BAP1: variants seen among roughly 807,000 people sequenced by gnomAD.
BAP1 encodes the protein BRCA1 associated deubiquitinase 1.
In BAP1, 16 loss-of-function variants were observed where a neutral mutation model predicts 77.2. The observed-to-expected ratio is 0.21, with a 90% CI of 0.14 to 0.31. The LOEUF (loss-of-function observed/expected upper bound fraction) is 0.31, where lower values mean the gene tolerates loss of function less well. Among genes scored for constraint, BAP1 ranks in the 10% least tolerant of loss-of-function variants. The probability of loss-of-function intolerance (pLI) is 1.00; values close to 1 mark genes in which losing one functional copy is unlikely to be tolerated. For synonymous variants in BAP1, 362 were observed against 385.2 expected (o/e 0.94, Z 0.71); for missense variants, 699 against 967.3 (o/e 0.72, Z 3.68).
rs2153228681 is a variant in BAP1, at chr3:52,409,843, T to C, written c.36A>G (p.Pro12=). 1 of 1,611,818 alleles carries C rather than the reference T, an allele frequency of 6.2e-7. No individual in the cohort carries two copies. The change falls in exon 1 of 17, where the codon CCA becomes CCG. Residue 12 remains proline (P), a splice_region_variant and synonymous_variant. Transcript: ENST00000460680. ...TGGCCCTCCCGGTCCCCTCCTCACC[T>C]GGGTCGCTCTCCAGCTCCAGCCAGC... is the stretch of plus-strand genomic sequence containing the variant. The part of the protein sequence containing the change: ...NKGWLELESD[P]GLFTLLVEDF...
chr3:52,409,663 G>A (rs1273395431), intron 2 of BAP1, 51 bp downstream of exon 2: 8 of 1,613,798 alleles, frequency 5.0e-6, no homozygotes, highest in African/African-American at 1.3e-5. Flanking sequence ...GAGTGAGGGC[G>A]CAGGGGTGGG....
Position 52,409,532 on chromosome 3 carries a change from G to A in BAP1, c.122+22C>T, listed in dbSNP as rs202014344. The A allele has an allele frequency of 8.7e-6, 14 of 1,614,108 alleles. No homozygotes were observed. The Admixed American group carries it at 2.2e-4, about 25-fold the overall frequency. On this transcript the variant is annotated intron_variant, in intron 3 of 16. Coordinates refer to ENST00000460680, the MANE Select transcript of BAP1 (RefSeq NM_004656.4). ...CCCAGCACTCTGGGTGTAAGGGGCAGCCCTGGTGTACAGCCACTCACCCCT... is the reference window on the plus strand; with the variant it reads ...CCCAGCACTCTGGGTGTAAGGGGCAACCCTGGTGTACAGCCACTCACCCCT...
At position 52,405,059 on chromosome 3, in the gene BAP1, G is replaced by A. The variant is rs142622446; in HGVS notation, c.1116+51C>T. ...CCACATGGGAAAATTGCCTGTTGCA[G>A]CCTCTCAAGAGAATCAAGTAGAGAA... is the stretch of plus-strand genomic sequence containing the variant. On this transcript the variant is annotated intron_variant, in intron 11 of 16. Transcript: ENST00000460680. The A allele has an allele frequency of 3.0e-4, 484 of 1,608,824 alleles. 1 individual carries two copies. The African/African-American group carries it at 5.9e-3, about 20-fold the overall frequency.
chr3:52,409,935 C>G lies in BAP1; in HGVS notation c.-57G>C. 1 of 1,587,890 alleles carries G rather than the reference C, an allele frequency of 6.3e-7. No homozygotes were observed. Among genetic ancestry groups the G allele is most frequent in the East Asian group, 2.3e-5 (1 of 44,190 alleles). On this transcript the variant is annotated 5_prime_UTR_variant, in exon 1 of 17. Coordinates refer to ENST00000460680, the MANE Select transcript of BAP1 (RefSeq NM_004656.4). The stretch of plus-strand genomic sequence containing the variant: ...CCAGGCCCTCCCTCCCCACCGCTGC[C>G]CCCACCGGGAGCCCCCACCGCCCCC...
rs2153226096 is a variant in BAP1, at chr3:52,402,343, T to G, written c.2135A>C (p.Gln712Pro). Residue 712 changes from glutamine (Q) to proline (P), a missense_variant, in exon 17 of 17, where the codon CAG becomes CCG. By Grantham distance (76) the Gln-to-Pro change is moderately conservative. Around this residue, in one of 3 missense-constraint regions of BAP1, gnomAD observed 64 missense variants for 112.1 expected, o/e 0.57. Coordinates refer to ENST00000460680, the MANE Select transcript of BAP1 (RefSeq NM_004656.4). This position sits in a 1 kb window ranked among gnomAD's most constrained non-coding sequence, Gnocchi z 5.3. ...GCGTTTCCGCCGGTCAGGCTTCCGC[T>G]GCTTGTGGAGCCGGCCGATGCTGAC... ...QGVSIGRLHK[Q>P]RKPDRRKRSR... is the part of the protein sequence containing the mutation. The G allele has an allele frequency of 6.3e-7, 1 of 1,589,394 alleles. No homozygotes were observed. The highest frequency in any genetic ancestry group is 8.6e-7 in the Non-Finnish European group (1 of 1,169,300).
chr3:52,408,708 G>A (rs116234404), intron 3 of BAP1, 102 bp from the exon 4 acceptor site: 14,713 of 1,410,266 alleles, frequency 0.01, 120 homozygotes, highest in South Asian at 0.026. Flanking sequence ...CATCACTCAG[G>A]TGTCCTTGCT....
In BAP1 at chr3:52,403,381, G is replaced by A. The variant is rs2153226549; in HGVS notation, c.1729+35C>T. 6.2e-7 allele frequency: 1 copy of A among 1,612,202 alleles called. No individual in the cohort carries two copies. Among genetic ancestry groups the A allele is most frequent in the Non-Finnish European group, 8.5e-7 (1 of 1,179,234 alleles). ...GCCACTTCCCTCCTCCCTCCTGGGT[G>A]CACCAAGTGGCCAGTGAGCCAGTCC... On this transcript the variant is annotated intron_variant, in intron 13 of 16. Transcript: ENST00000460680. This position sits in a 1 kb window ranked among gnomAD's most constrained non-coding sequence, Gnocchi z 4.0.
At position 52,408,002 on chromosome 3, in the gene BAP1, T is replaced by C. The variant is rs1303575075; in HGVS notation, c.331A>G (p.Thr111Ala). The change falls in exon 5 of 17, where the codon ACC (threonine) becomes GCC (alanine). Residue 111 changes from threonine (T) to alanine (A), a missense_variant. This residue lies in a region of BAP1 where 160 missense variants were observed against 322.8 expected (regional missense o/e 0.50). Transcript: ENST00000460680. ...GTGAAGTCCTTCATGCGACTCAGGGTGGGTCCCAGGTCCACGCTGCTGCAG... is the reference window on the plus strand; with the variant it reads ...GTGAAGTCCTTCATGCGACTCAGGGCGGGTCCCAGGTCCACGCTGCTGCAG... The part of the protein sequence containing the change: ...LNCSSVDLGP[T>A]LSRMKDFTKG... The C allele has an allele frequency of 1.2e-6, 2 of 1,613,806 alleles. No individual in the cohort carries two copies. The highest frequency in any genetic ancestry group is 2.7e-5 in the African/African-American group (2 of 74,870).
intron 11 of BAP1, among the ~76,000 whole-genome samples, chr3:52,404,846 A>G (rs919632237): frequency 6.6e-6 from 1 of 152,182 alleles, no homozygotes; most frequent in African/African-American, 2.4e-5. Flanking sequence ...CAACCCATGA[A>G]GTTGTACCAA....
At chr3:52,408,896 G>A (rs1280138562) in intron 3 of BAP1, among the ~76,000 whole-genome samples, 2 of 152,220 alleles carry the variant, frequency 1.3e-5, no homozygotes, top group Non-Finnish European at 2.9e-5. Flanking sequence ...AGAAAAGCTG[G>A]AACTGAGGGC....
intron 5 of BAP1, among the ~76,000 whole-genome samples, chr3:52,407,738 G>T (rs1705211382): frequency 6.6e-6 from 1 of 152,180 alleles, no homozygotes; most frequent in African/African-American, 2.4e-5. Flanking sequence ...CTGACTTAAG[G>T]AAACTCTCCT....
rs901232184 is a variant in BAP1 at position 52,408,971 on chromosome 3, G to T, written c.123-365C>A. On this transcript the variant is annotated intron_variant, in intron 3 of 16. Transcript: ENST00000460680. ...ACAAAAACTCTGATGAGGAACTGAG[G>T]CACTCCTTCTCACTTGTGGGCCCCA... is the stretch of plus-strand genomic sequence containing the variant. Among the ~76,000 whole-genome samples, 3 of 152,246 alleles carry T rather than the reference G, an allele frequency of 2.0e-5. No homozygotes were observed. In the East Asian group the frequency reaches 5.8e-4, roughly 29 times the overall value.
intron 4 of BAP1, 33 bp from the exon 5 acceptor site, chr3:52,408,110 C>A (rs980891294): frequency 6.3e-7 from 1 of 1,579,770 alleles, no homozygotes; most frequent in Admixed American, 1.8e-5. Context: ...CCATACACAG[C>A]ACCCCTCACT....
In BAP1 at chr3:52,405,772, G is replaced by A. The variant is rs749945143; in HGVS notation, c.924C>T (p.Asn308=). Residue 308 remains asparagine (N), a synonymous_variant, in exon 10 of 17, where the codon AAC becomes AAT. Transcript: ENST00000460680. ...ANRAPAASEG[N]HTDGAEEAAG... ...TCCCAAACCCCCCAGTACCTGTGTG[G>A]TTGCCCTCAGAGGCTGCAGGGGCCC... is the stretch of plus-strand genomic sequence containing the variant. 2.2e-5 allele frequency: 35 copies of A among 1,613,064 alleles called. No homozygotes were observed. In the East Asian group the frequency reaches 6.0e-4, roughly 28 times the overall value.
At position 52,402,417 on chromosome 3, in the gene BAP1, C is replaced by G. The variant is rs757553269; in HGVS notation, c.2061G>C (p.Met687Ile). ...TGTTCTGCTCCACTAGGTTGGCCAG[C>G]ATGCCTGCGAAGAGGTAGAGACCCT... ...TFISMLAQEG[M>I]LANLVEQNIS... The change falls in exon 17 of 17, where the codon ATG (methionine) becomes ATC (isoleucine). Residue 687 changes from methionine (M) to isoleucine (I), a missense_variant. Physicochemically the swap from Met to Ile is conservative, Grantham distance 10. Transcript: ENST00000460680. The surrounding 1 kb of genome is among the most constrained non-coding windows in gnomAD (Gnocchi z 5.3). The G allele has an allele frequency of 1.9e-6, 3 of 1,567,056 alleles. No individual in the cohort carries two copies. The highest frequency in any genetic ancestry group is 2.6e-6 in the Non-Finnish European group (3 of 1,157,084).
intron 10 of BAP1, 181 bp from the exon 11 acceptor site, chr3:52,405,475 GA>G: frequency 8.1e-6 from 1 of 123,726 alleles, no homozygotes; most frequent in Non-Finnish European, 1.5e-5. Context: ...AATGAGATGG[GA>G]AAAAAGAAGC....
intron 12 of BAP1, 115 bp downstream of exon 12, chr3:52,404,338 A>C: frequency 6.3e-7 from 1 of 1,578,914 alleles, no homozygotes. Context: ...CAGGGCCCCA[A>C]ACTCCGCAGG....
chr3:52,404,690 TCAGCGGAACCCCTC>T, intron 11 of BAP1, 104 bp from the exon 12 acceptor site: 1 of 1,498,100 alleles, frequency 6.7e-7, no homozygotes, highest in East Asian at 2.5e-5. Context: ...CCAGACTGAG[TCAGCGGAACCCCTC>T]CAGCTGTTCC....
intron 10 of BAP1, 94 bp from the exon 11 acceptor site, chr3:52,405,388 GA>G (rs1269135438): frequency 7.7e-6 from 11 of 1,437,280 alleles, no homozygotes; most frequent in Non-Finnish European, 1.0e-5. Context: ...ACTTCCCAGA[GA>G]AGAACAGCCC....
Sources: allele counts gnomAD v4.1 joint callset (sites outside exome capture counted in the v4.1 genomes callset), GRCh38; gene constraint gnomAD v4.1.1; regional missense constraint gnomAD v4.1.1; non-coding constraint Gnocchi (gnomAD v3.1); transcripts MANE v1.5; gene names NCBI Gene and HGNC (gene_info 2026-07-23, HGNC 2026-07-21).